The following RABGEF1 variants were observed in gnomAD, a reference collection of about 807,000 sequenced individuals.
RABGEF1 encodes rab5 GDP/GTP exchange factor.
RABGEF1 carries 26 observed loss-of-function variants against 57.3 expected under a neutral mutation model. That is an observed-to-expected ratio of 0.45 (90% CI 0.33 to 0.63). RABGEF1 has a LOEUF of 0.63. RABGEF1 is among the 20% of genes least tolerant of loss of function. RABGEF1 has a pLI of 0.02. For missense variants in RABGEF1, 464 were observed against 607.6 expected, an observed-to-expected ratio of 0.76 and a Z score of 2.48; for synonymous variants, 185 against 210.7, an observed-to-expected ratio of 0.88 and a Z score of 1.06.
intron 2 of RABGEF1, among the ~76,000 whole-genome samples, chr7:66,716,747 T>A (rs1408779563): frequency 2.6e-5 from 4 of 152,136 alleles, no homozygotes. Context: ...TGGATTTAGG[T>A]CTATCATTTT....
chr7:66,798,388 A>G lies in RABGEF1; in HGVS notation c.728+882A>G, dbSNP rs184500318. Reference sequence around the variant, plus strand: ...GAAGGGACTCGGAGTCCCAGGTTCCAGACAAGGGGCTGGTACTTGCTAGAT... The same window carrying G: ...GAAGGGACTCGGAGTCCCAGGTTCCGGACAAGGGGCTGGTACTTGCTAGAT... On this transcript the variant is annotated intron_variant, in intron 6 of 8. Coordinates refer to ENST00000284957, the MANE Select transcript of RABGEF1 (RefSeq NM_014504.3). 2.5e-3 allele frequency among the ~76,000 whole-genome samples: 377 copies of G among 152,338 alleles called. 2 individuals carry two copies. The highest frequency in any genetic ancestry group is 5.5e-3 in the African/African-American group (230 of 41,576).
At chr7:66,778,463 C>G (rs1282914406) in intron 3 of RABGEF1, among the ~76,000 whole-genome samples, 3 of 152,086 alleles carry the variant, frequency 2.0e-5, no homozygotes, top group African/African-American at 4.8e-5. Context: ...AGTGGTTGAC[C>G]AAGCTGAGAT....
At chr7:66,741,029 C>T (rs1337849201) in intron 1 of RABGEF1, among the ~76,000 whole-genome samples, 1 of 152,198 alleles carries the variant, frequency 6.6e-6, no homozygotes, top group East Asian at 1.9e-4. Context: ...GCGGCCTCTC[C>T]GTCCCAGACG....
intron 2 of RABGEF1, among the ~76,000 whole-genome samples, chr7:66,725,009 A>G (rs185358194): frequency 2.0e-5 from 3 of 152,140 alleles, no homozygotes; most frequent in Admixed American, 6.5e-5. Flanking sequence ...TAAATCTTCT[A>G]TTTCTCTCCT....
chr7:66,749,913 G>A (rs535734876), intron 1 of RABGEF1, among the ~76,000 whole-genome samples: 1 of 152,210 alleles, frequency 6.6e-6, no homozygotes, highest in African/African-American at 2.4e-5. Context: ...GGCGGAGCTT[G>A]CAGTGAGCCG....
At chr7:66,781,170 G>A (rs1009271017) in intron 3 of RABGEF1, among the ~76,000 whole-genome samples, 6 of 151,552 alleles carry the variant, frequency 4.0e-5, no homozygotes, top group African/African-American at 1.5e-4. Context: ...CAGCTTGTTA[G>A]CTATACCTCT....
intron 4 of RABGEF1, among the ~76,000 whole-genome samples, chr7:66,792,201 C>T (rs1812862913): frequency 6.6e-6 from 1 of 151,952 alleles, no homozygotes; most frequent in African/African-American, 2.4e-5. Context: ...GCTCTACTAT[C>T]TTTTTTTCTT....
At chr7:66,686,347 C>G (rs1212941546) in intron 1 of RABGEF1, among the ~76,000 whole-genome samples, 1 of 151,816 alleles carries the variant, frequency 6.6e-6, no homozygotes, top group Non-Finnish European at 1.5e-5. Context: ...TGGCTTATGC[C>G]TATAATACCA....
At chr7:66,655,629 C>T in the RABGEF1 span, among the ~76,000 whole-genome samples, 1 of 152,200 alleles carries the variant, frequency 6.6e-6, no homozygotes, top group African/African-American at 2.4e-5. Flanking sequence ...CTCGGCCTCC[C>T]AGAGTGCTGG....
At chr7:66,686,951 A>G (rs1584630472) in intron 1 of RABGEF1, among the ~76,000 whole-genome samples, 1 of 150,556 alleles carries the variant, frequency 6.6e-6, no homozygotes, top group South Asian at 2.1e-4. Context: ...CCTCCCGAGT[A>G]GCTGGGAGTA....
At chr7:66,655,098 C>T in the RABGEF1 span, among the ~76,000 whole-genome samples, 1 of 152,204 alleles carries the variant, frequency 6.6e-6, no homozygotes, top group East Asian at 1.9e-4. Flanking sequence ...CTCTTGGCCG[C>T]GACAGGGGCG....
chr7:66,760,198 A>C (rs552104717), intron 1 of RABGEF1, among the ~76,000 whole-genome samples: 114 of 152,200 alleles, frequency 7.5e-4, no homozygotes, highest in African/African-American at 2.2e-3. Context: ...CTTGCCTTCG[A>C]CACTCTTAAC....
chr7:66,725,797 A>G (rs1194499623), intron 2 of RABGEF1, among the ~76,000 whole-genome samples: 1 of 152,218 alleles, frequency 6.6e-6, no homozygotes, highest in Non-Finnish European at 1.5e-5. Context: ...GGAAGACACA[A>G]GGAGCTCCCC....
intron 2 of RABGEF1, among the ~76,000 whole-genome samples, chr7:66,719,833 G>A (rs2117493637): frequency 6.6e-6 from 1 of 152,238 alleles, no homozygotes; most frequent in African/African-American, 2.4e-5. Context: ...CAGTAGTAGG[G>A]TTGAGTAGTT....
At chr7:66,804,738 GAAAAAAAA>G (rs35870963) in intron 7 of RABGEF1, among the ~76,000 whole-genome samples, 1 of 105,572 alleles carries the variant, frequency 9.5e-6, no homozygotes, top group African/African-American at 3.7e-5. Context: ...AACTCAGTCT[GAAAAAAAA>G]AAAAAAAAAA....
At chr7:66,734,192 CCA>C (rs1289011748) in intron 2 of RABGEF1, among the ~76,000 whole-genome samples, 2 of 152,178 alleles carry the variant, frequency 1.3e-5, no homozygotes, top group Admixed American at 1.3e-4. Context: ...ATGCCCCAAA[CCA>C]CAGAGTCCGG....
chr7:66,729,881 T>C (rs1797107141), intron 2 of RABGEF1, among the ~76,000 whole-genome samples: 1 of 152,268 alleles, frequency 6.6e-6, no homozygotes, highest in South Asian at 2.1e-4. Flanking sequence ...AGGTCTGTGC[T>C]GACTGGCTTG....
At chr7:66,741,224 A>G (rs911374931) in intron 1 of RABGEF1, among the ~76,000 whole-genome samples, 2 of 152,096 alleles carry the variant, frequency 1.3e-5, no homozygotes, top group South Asian at 2.1e-4. Context: ...AAGCGCTGGT[A>G]TGGGACGCTC....
chr7:66,698,809 T>G (rs1304475961), intron 1 of RABGEF1, among the ~76,000 whole-genome samples: 1 of 152,214 alleles, frequency 6.6e-6, no homozygotes, highest in African/African-American at 2.4e-5. Flanking sequence ...CACGGGAGTT[T>G]CACTCCTGAC....
Sources: allele counts gnomAD v4.1 joint callset (sites outside exome capture counted in the v4.1 genomes callset), GRCh38; gene constraint gnomAD v4.1.1; transcripts MANE v1.5; gene names NCBI Gene and HGNC (gene_info 2026-07-23, HGNC 2026-07-21).